Variants in FAM76B observed in about 807,000 individuals in gnomAD.
FAM76B encodes the protein family with sequence similarity 76 member B.
A neutral mutation model predicts 51.8 loss-of-function variants in FAM76B; 16 were observed. The observed-to-expected ratio is 0.31, with a 90% CI of 0.21 to 0.47. The LOEUF (loss-of-function observed/expected upper bound fraction) is 0.47. Ranked by LOEUF, FAM76B falls within the 20% of genes least tolerant of loss-of-function variation. The probability of loss-of-function intolerance (pLI) is 1.00; values close to 1 mark genes in which losing one functional copy is unlikely to be tolerated. For missense variants in FAM76B, 342 were observed against 392.6 expected (o/e 0.87, Z 1.09); for synonymous variants, 166 against 129.5 (o/e 1.28, Z -1.91).
chr11:95,776,078 C>CACACA, intron 8 of FAM76B, 55 bp from the exon 9 acceptor site: 6 of 916,848 alleles, frequency 6.5e-6, no homozygotes, highest in Non-Finnish European at 9.3e-6. Context: ...CACACACACA[C>CACACA]CATTTTAAAT....
At chr11:95,783,950 G>C (rs1453620644) in intron 4 of FAM76B, among the ~76,000 whole-genome samples, 1 of 152,134 alleles carries the variant, frequency 6.6e-6, no homozygotes, top group Non-Finnish European at 1.5e-5. Flanking sequence ...AGTTTTTATA[G>C]TCCCAAAGAG....
chr11:95,775,437 C>A (rs1026772956), intron 9 of FAM76B, among the ~76,000 whole-genome samples: 1 of 151,292 alleles, frequency 6.6e-6, no homozygotes, highest in Non-Finnish European at 1.5e-5. Context: ...TGGCACTTTG[C>A]GAACCACTGT....
At chr11:95,789,265 G>T (rs572533155) in intron 1 of FAM76B, 127 bp downstream of exon 1, 4 of 1,090,352 alleles carry the variant, frequency 3.7e-6, no homozygotes, top group Non-Finnish European at 5.3e-6. Context: ...CGAGTGGGGA[G>T]GCGAGGGCTC....
At chr11:95,785,535 A>T (rs1450232647) in intron 4 of FAM76B, among the ~76,000 whole-genome samples, 1 of 152,190 alleles carries the variant, frequency 6.6e-6, no homozygotes, top group Non-Finnish European at 1.5e-5. Flanking sequence ...ATGTCTTATA[A>T]TGGGATATGT....
At chr11:95,774,661 T>A (rs565371974) in intron 9 of FAM76B, among the ~76,000 whole-genome samples, 3 of 151,176 alleles carry the variant, frequency 2.0e-5, no homozygotes, top group Non-Finnish European at 1.5e-5. Flanking sequence ...AGGAATAACA[T>A]AAAATTAAAA....
intron 4 of FAM76B, among the ~76,000 whole-genome samples, chr11:95,783,524 A>C (rs1372087384): frequency 6.6e-6 from 1 of 152,236 alleles, no homozygotes; most frequent in Non-Finnish European, 1.5e-5. Flanking sequence ...AGAAAAAGAA[A>C]ATGTTACCTT....
chr11:95,789,630 C>A lies in FAM76B; in HGVS notation c.-152G>T, dbSNP rs1860889268. On this transcript the variant is annotated 5_prime_UTR_variant, in exon 1 of 10. Transcript: ENST00000358780. Reference sequence around the variant, plus strand: ...AGGGCCTCGCCGCGAGAGCCCAGGGCCCCGCGGACGACGCCACCGTCTCCC... The same window carrying A: ...AGGGCCTCGCCGCGAGAGCCCAGGGACCCGCGGACGACGCCACCGTCTCCC... 8 of 580,852 alleles carry A rather than the reference C, an allele frequency of 1.4e-5. No homozygotes were observed. In the East Asian group the frequency reaches 2.3e-4, roughly 17 times the overall value. The allele number at this position is 580,852 out of a possible 1,614,324, so 36.0% of individuals were successfully genotyped here.
intron 9 of FAM76B, among the ~76,000 whole-genome samples, chr11:95,773,184 A>G (rs145012056): frequency 9.3e-5 from 14 of 151,266 alleles, no homozygotes; most frequent in African/African-American, 2.4e-4. Flanking sequence ...ACAAAATACA[A>G]TAATTTGAAC....
chr11:95,789,046 G>C (rs1203234248), intron 1 of FAM76B: 4 of 1,380,580 alleles, frequency 2.9e-6, no homozygotes, highest in Middle Eastern at 2.6e-4. Context: ...GAAGAGGACA[G>C]ACCAGGCAGA....
At chr11:95,787,183 T>C (rs1230693329) in intron 3 of FAM76B, among the ~76,000 whole-genome samples, 1 of 152,190 alleles carries the variant, frequency 6.6e-6, no homozygotes, top group Admixed American at 6.5e-5. Context: ...AAAGTATCTA[T>C]AGAAAATGTC....
intron 1 of FAM76B, chr11:95,789,070 A>G: frequency 7.1e-7 from 1 of 1,400,308 alleles, no homozygotes; most frequent in South Asian, 1.3e-5. Flanking sequence ...CCGAGATGAA[A>G]ACATCTCCAC....
In FAM76B at chr11:95,786,839, T is replaced by C. The variant is rs183276683; in HGVS notation, c.208-565A>G. 3.9e-4 allele frequency: 60 copies of C among 152,460 alleles called. 1 individual carries two copies. The highest frequency in any genetic ancestry group is 1.4e-3 in the African/African-American group (58 of 41,580). The allele number at this position is 152,460 out of a possible 1,614,324, so 9.4% of individuals were successfully genotyped here. On this transcript the variant is annotated intron_variant, in intron 3 of 9. Coordinates refer to ENST00000358780, the MANE Select transcript of FAM76B (RefSeq NM_144664.5). ...GATGATTCAGGGCAGTTTAGAGCGT[T>C]AAAGTTAGCATTTTTGACCAATAAT...
At chr11:95,775,005 A>G (rs549280221) in intron 9 of FAM76B, among the ~76,000 whole-genome samples, 9,779 of 140,470 alleles carry the variant, frequency 0.07, 403 homozygotes, top group Middle Eastern at 0.14. Flanking sequence ...TACAATGTGA[A>G]AAAAAAAAAA....
In FAM76B at chr11:95,769,350, T is replaced by A. The variant is rs1464965063; in HGVS notation, c.*2211A>T. The A allele has an allele frequency of 1.3e-5, 2 of 152,126 alleles. No individual in the cohort carries two copies. The highest frequency in any genetic ancestry group is 2.9e-5 in the Non-Finnish European group (2 of 67,798). 9.4% of individuals were successfully genotyped at this position (152,126 alleles called of 1,614,324 possible). A position where few individuals can be genotyped will look rare whatever the true frequency, so the allele number is the denominator to read the frequency against. On this transcript the variant is annotated 3_prime_UTR_variant, in exon 10 of 10. Transcript: ENST00000358780. ...TTGCAAAAAAATTTAAGTTATAAAA[T>A]AAGGTCATGGAATAAAGAAGGGTAT...
At chr11:95,788,766 G>T in intron 1 of FAM76B, 1 of 1,406,702 alleles carries the variant, frequency 7.1e-7, no homozygotes, top group East Asian at 2.6e-5. Flanking sequence ...TTTGTCTTTA[G>T]TAGACGTGGG....
At position 95,789,437 on chromosome 11, in the gene FAM76B, C is replaced by G; in HGVS notation, c.42G>C (p.Gln14His). The change falls in exon 1 of 10, where the codon CAG (glutamine) becomes CAC (histidine). Residue 14 changes from glutamine (Q) to histidine (H), a missense_variant. Physicochemically the swap from Gln to His is conservative, Grantham distance 24. Transcript: ENST00000358780. ...SALYACTKCT[Q>H]RYPFEELSQG... ...GGGAGAGCTCCTCGAAAGGATAACG[C>G]TGGGTACACTTGGTGCAGGCGTACA... 1 of 1,609,992 alleles carries G rather than the reference C, an allele frequency of 6.2e-7. No individual in the cohort carries two copies. The highest frequency in any genetic ancestry group is 8.5e-7 in the Non-Finnish European group (1 of 1,178,314).
intron 4 of FAM76B, among the ~76,000 whole-genome samples, chr11:95,784,177 T>C (rs891250728): frequency 2.0e-5 from 3 of 151,906 alleles, no homozygotes; most frequent in African/African-American, 7.3e-5. Flanking sequence ...CTTAGCAAAC[T>C]GACAAAAGAA....
At chr11:95,774,852 G>T (rs1318729132) in intron 9 of FAM76B, among the ~76,000 whole-genome samples, 1 of 151,168 alleles carries the variant, frequency 6.6e-6, no homozygotes, top group East Asian at 1.9e-4. Flanking sequence ...AACAGTCTTT[G>T]TAATAGTATG....
At chr11:95,784,963 C>T (rs896109924) in intron 4 of FAM76B, among the ~76,000 whole-genome samples, 1 of 152,128 alleles carries the variant, frequency 6.6e-6, no homozygotes, top group African/African-American at 2.4e-5. Flanking sequence ...GATCAACTGA[C>T]CAACATGTTA....
Sources: allele counts gnomAD v4.1 joint callset (sites outside exome capture counted in the v4.1 genomes callset), GRCh38; gene constraint gnomAD v4.1.1; transcripts MANE v1.5; gene names NCBI Gene and HGNC (gene_info 2026-07-23, HGNC 2026-07-21).